Variants in YME1L1 observed in about 807,000 individuals in gnomAD.
YME1L1 encodes YME1 like 1 ATPase, also known as ATP-dependent zinc metalloprotease YME1L1.
Under a neutral mutation model 90.4 loss-of-function variants are expected in YME1L1, and 39 were observed. The observed-to-expected ratio is 0.43, with a 90% CI of 0.33 to 0.56. The LOEUF (loss-of-function observed/expected upper bound fraction) is 0.56, where lower values mean the gene tolerates loss of function less well. Among genes scored for constraint, YME1L1 ranks in the 20% least tolerant of loss-of-function variants. The probability of loss-of-function intolerance (pLI) is 0.03; values close to 1 mark genes in which losing one functional copy is unlikely to be tolerated. For missense variants in YME1L1, 617 were observed against 868.4 expected (o/e 0.71, Z 3.64); for synonymous variants, 284 against 287.3 (o/e 0.99, Z 0.12).
intron 1 of YME1L1, 32 bp downstream of exon 1, chr10:27,154,146 A>T: frequency 6.4e-7 from 1 of 1,574,280 alleles, no homozygotes; most frequent in Non-Finnish European, 8.6e-7. Context: ...GCAGGGCGGG[A>T]GGAAAAAAAA....
At chr10:27,146,621 A>C (rs1270563014) in intron 2 of YME1L1, 3 of 152,212 alleles carry the variant, frequency 2.0e-5, no homozygotes, top group African/African-American at 7.2e-5. Flanking sequence ...AGCACCAGCT[A>C]CTCAGGAGAA....
In YME1L1 at chr10:27,152,608, T is replaced by C. The variant is rs1413279437; in HGVS notation, c.33+1570A>G. On this transcript the variant is annotated intron_variant, in intron 1 of 18. Transcript: ENST00000376016. ...TCAAAAACTTCAATACCATATTCAA[T>C]AGGCCATGTCAGACTTCTTTTTCAA... 3.3e-5 allele frequency among the ~76,000 whole-genome samples: 5 copies of C among 152,318 alleles called. No individual in the cohort carries two copies. The East Asian group carries it at 7.7e-4, about 23-fold the overall frequency.
In YME1L1 at chr10:27,126,360, T is replaced by C. The variant is rs182111144; in HGVS notation, c.949+336A>G. On this transcript the variant is annotated intron_variant, in intron 9 of 18. Coordinates refer to ENST00000376016, the MANE Select transcript of YME1L1 (RefSeq NM_014263.4). ...GGGAGGGCCGCCTGAACTCGGGAGG[T>C]TGTGGCTACAGCGAGCCATGATTGC... Among the ~76,000 whole-genome samples, 42 of 152,086 alleles carry C rather than the reference T, an allele frequency of 2.8e-4. 1 individual carries two copies. In the East Asian group the frequency reaches 7.3e-3, roughly 27 times the overall value.
At chr10:27,150,114 C>A (rs2057195341) in intron 1 of YME1L1, among the ~76,000 whole-genome samples, 1 of 151,336 alleles carries the variant, frequency 6.6e-6, no homozygotes, top group South Asian at 2.1e-4. Context: ...ACAAAAAAAA[C>A]ACTTGAGCCC....
chr10:27,124,835 T>C (rs1274174163), intron 9 of YME1L1, among the ~76,000 whole-genome samples: 1 of 152,242 alleles, frequency 6.6e-6, no homozygotes, highest in Non-Finnish European at 1.5e-5. Flanking sequence ...TCCAGTGTTT[T>C]CTCATGATTG....
chr10:27,131,198 C>A (rs1027507237), intron 8 of YME1L1, among the ~76,000 whole-genome samples: 2 of 152,200 alleles, frequency 1.3e-5, no homozygotes, highest in African/African-American at 4.8e-5. Flanking sequence ...ATCCTCTTTA[C>A]CCTGCTCTAC....
intron 5 of YME1L1, 123 bp downstream of exon 5, chr10:27,136,153 C>T: frequency 1.3e-6 from 1 of 766,192 alleles, no homozygotes; most frequent in South Asian, 1.7e-5. Flanking sequence ...GTTACTAATC[C>T]CTTATTATTA....
intron 1 of YME1L1, among the ~76,000 whole-genome samples, chr10:27,152,433 A>G (rs897699510): frequency 6.6e-6 from 1 of 152,198 alleles, no homozygotes; most frequent in East Asian, 1.9e-4. Flanking sequence ...AGTCCTCACT[A>G]TATTTGAGCC....
Position 27,122,848 on chromosome 10 carries a change from T to C in YME1L1, c.1228A>G (p.Met410Val). 1 of 1,613,208 alleles carries C rather than the reference T, an allele frequency of 6.2e-7. No individual in the cohort carries two copies. Among genetic ancestry groups the C allele is most frequent in the African/African-American group, 1.3e-5 (1 of 75,010 alleles). The change falls in exon 11 of 19, where the codon ATG becomes GTG. Residue 410 changes from methionine (M) to valine (V), a missense_variant. By Grantham distance (21) the Met-to-Val change is conservative. Transcript: ENST00000376016. ...RQTINQLLAE[M>V]DGFKPNEGVI... ...AAAAGAAGACTCAATTACCCATCCA[T>C]TTCAGCAAGAAGTTGATTTATGGTC...
chr10:27,135,004 A>T (rs1244410189), intron 5 of YME1L1, 23 bp from the exon 6 acceptor site: 1 of 1,598,092 alleles, frequency 6.3e-7, no homozygotes. Flanking sequence ...ACAACACATC[A>T]GTACTGGTTA....
chr10:27,149,730 A>G (rs1447065306), intron 1 of YME1L1, among the ~76,000 whole-genome samples: 2 of 144,474 alleles, frequency 1.4e-5, no homozygotes, highest in East Asian at 2.1e-4. Context: ...AAAAAAAAAA[A>G]AAAAAAGAAA....
intron 10 of YME1L1, among the ~76,000 whole-genome samples, 198 bp downstream of exon 10, chr10:27,123,349 A>C (rs2056885521): frequency 6.6e-6 from 1 of 152,172 alleles, no homozygotes; most frequent in African/African-American, 2.4e-5. Context: ...CCGATAATTC[A>C]TATAGTAAGT....
At chr10:27,120,354 T>C (rs916480184) in intron 13 of YME1L1, 81 bp downstream of exon 13, 61 of 927,314 alleles carry the variant, frequency 6.6e-5, no homozygotes, top group East Asian at 2.8e-4. Flanking sequence ...TGTTAATACA[T>C]GTATCATGAA....
chr10:27,119,323 A>G lies in YME1L1; in HGVS notation c.1538T>C (p.Leu513Pro). The change falls in exon 14 of 19, where the codon CTG becomes CCG. Residue 513 changes from leucine (L) to proline (P), a missense_variant. By Grantham distance (98) the Leu-to-Pro change is moderately conservative. Coordinates refer to ENST00000376016, the MANE Select transcript of YME1L1 (RefSeq NM_014263.4). Reference protein sequence around the residue: ...DGKEMVTMKELEFSKDKILMG... With the variant: ...DGKEMVTMKEPEFSKDKILMG... ...TAGAATTTTGTCTTTGGAAAACTCC[A>G]GCTCCTTCATGGTAACCATTTCTTT... 6.2e-7 allele frequency: 1 copy of G among 1,608,276 alleles called. No individual in the cohort carries two copies. Among genetic ancestry groups the G allele is most frequent in the Non-Finnish European group, 8.5e-7 (1 of 1,178,538 alleles).
intron 8 of YME1L1, among the ~76,000 whole-genome samples, chr10:27,130,314 C>G (rs2056963470): frequency 6.6e-6 from 1 of 152,174 alleles, no homozygotes; most frequent in South Asian, 2.1e-4. Context: ...CAAGTAAGTG[C>G]TCTGTAACTC....
At chr10:27,129,564 G>A (rs755664125) in intron 8 of YME1L1, among the ~76,000 whole-genome samples, 13 of 152,002 alleles carry the variant, frequency 8.6e-5, no homozygotes, top group Non-Finnish European at 1.8e-4. Context: ...TCCCTCCTGC[G>A]GAAGAATTTC....
Position 27,148,380 on chromosome 10 carries a change from T to TC in YME1L1, c.168+525dup, listed in dbSNP as rs773762179. Among the ~76,000 whole-genome samples the TC allele has an allele frequency of 6.8e-4, 104 of 152,074 alleles. 1 individual carries two copies. Among genetic ancestry groups the TC allele is most frequent in the Non-Finnish European group, 1.3e-3 (89 of 68,004 alleles). On this transcript the variant is annotated intron_variant, in intron 2 of 18. Transcript: ENST00000376016. ...ACCACACCCGGCTAATTTTTGTATT[T>TC]CTAGTAGAGATGGGATTTCACCATA...
chr10:27,133,861 A>AT (rs1362847207), intron 7 of YME1L1, among the ~76,000 whole-genome samples, 178 bp downstream of exon 7: 3 of 152,146 alleles, frequency 2.0e-5, no homozygotes, highest in African/African-American at 7.2e-5. Flanking sequence ...AAATTTTATA[A>AT]TTGGACAGGT....
intron 4 of YME1L1, among the ~76,000 whole-genome samples, chr10:27,138,177 T>C (rs544724522): frequency 1.4e-3 from 218 of 152,276 alleles, no homozygotes; most frequent in Non-Finnish European, 2.0e-3. Context: ...CACTGATGTA[T>C]GTCAGCACTA....
Sources: allele counts gnomAD v4.1 joint callset (sites outside exome capture counted in the v4.1 genomes callset), GRCh38; gene constraint gnomAD v4.1.1; transcripts MANE v1.5; gene names NCBI Gene and HGNC (gene_info 2026-07-23, HGNC 2026-07-21).